The following POC5 variants were observed in gnomAD, a reference collection of about 807,000 sequenced individuals.
POC5 encodes centrosomal protein POC5.
In POC5, 48 loss-of-function variants were observed where a neutral mutation model predicts 62.9. That is an observed-to-expected ratio of 0.76 (90% confidence interval 0.61 to 0.97). The LOEUF (loss-of-function observed/expected upper bound fraction) is 0.97. Ranked by LOEUF, POC5 falls within the 50% of genes least tolerant of loss-of-function variation. The pLI, the probability that POC5 is intolerant of heterozygous loss-of-function variation, is 0.00. For synonymous variants in POC5, 236 were observed against 228.2 expected (o/e 1.03, Z -0.31); for missense variants, 696 against 679.5 (o/e 1.02, Z -0.27).
At chr5:75,685,060 G>C (rs962366231) in intron 10 of POC5, 147 bp downstream of exon 10, 1 of 829,442 alleles carries the variant, frequency 1.2e-6, no homozygotes, top group Admixed American at 3.0e-5. Flanking sequence ...GTAGAGACGG[G>C]GTTTCACCGT....
At chr5:75,714,839 G>A (rs1241953529) in intron 1 of POC5, among the ~76,000 whole-genome samples, 6 of 152,154 alleles carry the variant, frequency 3.9e-5, no homozygotes, top group South Asian at 4.1e-4. Flanking sequence ...GTGTTTCCTG[G>A]AGTTAAGCAT....
intron 3 of POC5, among the ~76,000 whole-genome samples, chr5:75,706,470 GAATA>G (rs1396592145): frequency 1.3e-5 from 2 of 152,016 alleles, no homozygotes; most frequent in African/African-American, 4.8e-5. Flanking sequence ...AAATGGCAGA[GAATA>G]AATAAATGCT....
At chr5:75,689,217 A>C (rs1351562122) in intron 8 of POC5, 52 bp from the exon 9 acceptor site, 115 of 1,465,258 alleles carry the variant, frequency 7.8e-5, no homozygotes, top group Middle Eastern at 7.5e-4. Flanking sequence ...AAAGAAGAAT[A>C]CTGTCAAAAA....
intron 1 of POC5, among the ~76,000 whole-genome samples, chr5:75,716,593 G>A (rs1742586521): frequency 1.3e-5 from 2 of 152,146 alleles, no homozygotes; most frequent in African/African-American, 4.8e-5. Context: ...CTGTTTCTAG[G>A]TTCAGAAACA....
At chr5:75,679,604 G>A (rs1862220) in intron 10 of POC5, among the ~76,000 whole-genome samples, 21,464 of 152,050 alleles carry the variant, frequency 0.14, 1,947 homozygotes, top group East Asian at 0.4. Context: ...ATAGAAAACC[G>A]AAGATAAAAA....
chr5:75,687,539 T>C (rs1243218614), intron 9 of POC5, among the ~76,000 whole-genome samples: 1 of 152,212 alleles, frequency 6.6e-6, no homozygotes, highest in Non-Finnish European at 1.5e-5. Flanking sequence ...TTCTCATCGA[T>C]TGTTTCAAAA....
rs898597073 is a variant in POC5, at chr5:75,680,225, T to C, written c.1408-2275A>G. ...TGCCAAAATGTGGAAATAAGTACAA[T>C]TGAGTTTGTAACTTTCCTCCTGCCC... On this transcript the variant is annotated intron_variant, in intron 10 of 11. Coordinates refer to ENST00000428202, the MANE Select transcript of POC5 (RefSeq NM_001099271.2). Among the ~76,000 whole-genome samples, 8 of 152,232 alleles carry C rather than the reference T, an allele frequency of 5.3e-5. No homozygotes were observed. In the South Asian group the frequency reaches 8.3e-4, roughly 16 times the overall value.
chr5:75,698,509 T>A (rs1478959933), intron 5 of POC5, among the ~76,000 whole-genome samples: 1 of 149,474 alleles, frequency 6.7e-6, no homozygotes, highest in Non-Finnish European at 1.5e-5. Flanking sequence ...AAGATGTTCT[T>A]TGAAACCACC....
intron 5 of POC5, among the ~76,000 whole-genome samples, chr5:75,699,236 G>A (rs539558785): frequency 5.9e-5 from 9 of 152,222 alleles, no homozygotes; most frequent in African/African-American, 2.2e-4. Flanking sequence ...ACATCATCCT[G>A]ATACCAAAGC....
rs922057167 is a variant in POC5, at chr5:75,702,608, A to C, written c.510T>G (p.Leu170=). 8 of 1,612,326 alleles carry C rather than the reference A, an allele frequency of 5.0e-6. No homozygotes were observed. The highest frequency in any genetic ancestry group is 6.8e-6 in the Non-Finnish European group (8 of 1,178,990). Reference sequence around the variant, plus strand: ...TTGAAGAACTGCTGTACCGTACCTTAAGACCTGAACTCCAAAGATCAAGCA... The same window carrying C: ...TTGAAGAACTGCTGTACCGTACCTTCAGACCTGAACTCCAAAGATCAAGCA... ...ENVLDLWSSG[L]KTNIISELSK... is the part of the protein sequence containing the mutation. Residue 170 remains leucine, a synonymous_variant, in exon 5 of 12, where the codon CTT becomes CTG. Transcript: ENST00000428202.
At chr5:75,713,078 C>T (rs1777415705) in intron 1 of POC5, 127 bp from the exon 2 acceptor site, 2 of 681,068 alleles carry the variant, frequency 2.9e-6, no homozygotes, top group South Asian at 4.7e-5. Flanking sequence ...ATCATTCATT[C>T]AACATATTGA....
At position 75,700,798 on chromosome 5, in the gene POC5, GA is replaced by G. The variant is rs1334511850; in HGVS notation, c.513+1806del. ...TGAACAGGCAACCTACAAAACGGGA[GA>G]AAATTTTCACAACCTACTTATCTGA... On this transcript the variant is annotated intron_variant, in intron 5 of 11. Coordinates refer to ENST00000428202, the MANE Select transcript of POC5 (RefSeq NM_001099271.2). 2.2e-5 allele frequency among the ~76,000 whole-genome samples: 3 copies of G among 139,292 alleles called. 1 individual carries two copies. The allele number at this position is 139,292 out of a possible 152,430, so 91.4% of individuals were successfully genotyped here. A position where few individuals can be genotyped will look rare whatever the true frequency, so the allele number is the denominator to read the frequency against.
intron 10 of POC5, 88 bp downstream of exon 10, chr5:75,685,119 G>A (rs1330298331): frequency 2.1e-5 from 29 of 1,376,712 alleles, no homozygotes; most frequent in African/African-American, 2.9e-5. Context: ...CACCTGCCTC[G>A]GCCTCCCAAA....
At chr5:75,698,658 C>G (rs890294521) in intron 5 of POC5, among the ~76,000 whole-genome samples, 21 of 152,110 alleles carry the variant, frequency 1.4e-4, no homozygotes, top group Admixed American at 1.2e-3. Flanking sequence ...ATTAAAAGAA[C>G]TAGAAAAGCA....
At chr5:75,712,174 T>C (rs567511832) in intron 2 of POC5, 1 of 256,756 alleles carries the variant, frequency 3.9e-6, no homozygotes, top group East Asian at 1.8e-4. Flanking sequence ...ACAGAATCAA[T>C]AACAATTTCA....
chr5:75,703,287 T>C (rs571722913), intron 4 of POC5, among the ~76,000 whole-genome samples: 224 of 152,360 alleles, frequency 1.5e-3, no homozygotes, highest in Non-Finnish European at 2.2e-3. Flanking sequence ...TGGTTGTATA[T>C]AGGTCAATAT....
chr5:75,679,711 T>C (rs1287150407), intron 10 of POC5, among the ~76,000 whole-genome samples: 1 of 152,104 alleles, frequency 6.6e-6, no homozygotes, highest in Non-Finnish European at 1.5e-5. Context: ...TCATAAATGA[T>C]TTAATCTGAA....
intron 5 of POC5, among the ~76,000 whole-genome samples, chr5:75,699,789 C>G (rs939765826): frequency 7.1e-6 from 1 of 141,390 alleles, no homozygotes; most frequent in Non-Finnish European, 1.6e-5. Flanking sequence ...TCCCTGTTTG[C>G]AGACGACATG....
At chr5:75,684,652 C>A (rs371931142) in intron 10 of POC5, among the ~76,000 whole-genome samples, 13 of 151,850 alleles carry the variant, frequency 8.6e-5, no homozygotes, top group Admixed American at 1.3e-4. Flanking sequence ...CGTGAGCCAC[C>A]GCGCCCGGCT....
Sources: gnomAD v4.1 joint callset for allele counts (sites outside exome capture counted in the v4.1 genomes callset) on GRCh38, gnomAD v4.1.1 for gene constraint, MANE v1.5 for transcripts, NCBI Gene and HGNC (gene_info 2026-07-23, HGNC 2026-07-21) for gene names.